USP31: variants seen among roughly 807,000 people sequenced by gnomAD.
The protein encoded by USP31 is ubiquitin specific peptidase 31.
USP31 carries 44 observed loss-of-function variants against 119.4 expected under a neutral mutation model. The ratio of observed to expected loss-of-function variants is 0.37; its 90% CI spans 0.29 to 0.47. USP31 has a LOEUF of 0.47. USP31 is among the 20% of genes least tolerant of loss of function. The pLI, the probability that USP31 is intolerant of heterozygous loss-of-function variation, is 0.99. For synonymous variants in USP31, 749 were observed against 705.6 expected (o/e 1.06, Z -0.97); for missense variants, 1,643 against 1,730.2 (o/e 0.95, Z 0.89).
chr16:23,111,163 T>TA (rs1031850990), intron 1 of USP31, among the ~76,000 whole-genome samples: 4 of 151,506 alleles, frequency 2.6e-5, no homozygotes, highest in African/African-American at 7.3e-5. Flanking sequence ...TAAATAAAAA[T>TA]AAAAAAGACA....
At chr16:23,080,636 G>A (rs1900779426) in intron 12 of USP31, among the ~76,000 whole-genome samples, 3 of 152,152 alleles carry the variant, frequency 2.0e-5, no homozygotes, top group African/African-American at 7.2e-5. Flanking sequence ...AGGCAACACT[G>A]TCTTAGCTTA....
chr16:23,068,619 G>T lies in USP31; in HGVS notation c.3486C>A (p.Ser1162Arg), dbSNP rs1181048375. 2 of 1,614,112 alleles carry T rather than the reference G, an allele frequency of 1.2e-6. No homozygotes were observed. Among genetic ancestry groups the T allele is most frequent in the Non-Finnish European group, 1.7e-6 (2 of 1,180,052 alleles). Reference protein sequence around the residue: ...HSLSREGSRQSLGSDRASATS... With the variant: ...HSLSREGSRQRLGSDRASATS... ...TGGCGCTGGCTCTGTCAGAACCCAA[G>T]CTTTGTCTGGAGCCCTCTCTACTCA... The change falls in exon 16 of 16, where the codon AGC becomes AGA. Residue 1162 changes from serine to arginine, a missense_variant. By Grantham distance (110) the Ser-to-Arg change is moderately radical. Coordinates refer to ENST00000219689, the MANE Select transcript of USP31 (RefSeq NM_020718.4).
intron 6 of USP31, among the ~76,000 whole-genome samples, chr16:23,099,995 A>G (rs1901779001): frequency 6.6e-6 from 1 of 152,212 alleles, no homozygotes; most frequent in African/African-American, 2.4e-5. Context: ...CATACCCACT[A>G]CAATAGCTAA....
chr16:23,098,347 T>C (rs2141862906), intron 6 of USP31, among the ~76,000 whole-genome samples: 1 of 152,244 alleles, frequency 6.6e-6, no homozygotes, highest in East Asian at 1.9e-4. Context: ...TGGAAGAACA[T>C]TCCATGCTCA....
chr16:23,129,820 TTAATG>T (rs1950489873), intron 1 of USP31, among the ~76,000 whole-genome samples: 1 of 152,126 alleles, frequency 6.6e-6, no homozygotes, highest in South Asian at 2.1e-4. Flanking sequence ...TAGGGGAACT[TTAATG>T]TAAGAGTAAT....
Position 23,082,495 on chromosome 16 carries a change from C to A in USP31, c.1893G>T (p.Thr631=), listed in dbSNP as rs35188058. Reference sequence around the variant, plus strand: ...CATCAGGCAGAGTCCAGAGGCTTAACGTAATGCTTCCCTGCTGCAGCTGCT... The same window carrying A: ...CATCAGGCAGAGTCCAGAGGCTTAAAGTAATGCTTCCCTGCTGCAGCTGCT... The part of the protein sequence containing the change: ...HCKQLQQGSI[T]LSLWTLPDVL... The change falls in exon 12 of 16, where the codon ACG becomes ACT. Residue 631 remains threonine (T), a synonymous_variant. Coordinates refer to ENST00000219689, the MANE Select transcript of USP31 (RefSeq NM_020718.4). 1.2e-6 allele frequency: 2 copies of A among 1,614,196 alleles called. No homozygotes were observed.
intron 1 of USP31, among the ~76,000 whole-genome samples, chr16:23,130,882 A>G (rs1903009567): frequency 6.6e-6 from 1 of 152,192 alleles, no homozygotes; most frequent in African/African-American, 2.4e-5. Context: ...CATAGGTGCT[A>G]TGGGGTAGTT....
chr16:23,133,036 T>C (rs2106246), intron 1 of USP31, among the ~76,000 whole-genome samples: 48,414 of 152,056 alleles, frequency 0.32, 7,985 homozygotes, highest in African/African-American at 0.38. Flanking sequence ...CAATCCACTA[T>C]GAAGCATGTG....
intron 1 of USP31, among the ~76,000 whole-genome samples, chr16:23,123,155 G>A (rs571344760): frequency 6.6e-5 from 10 of 152,140 alleles, no homozygotes; most frequent in African/African-American, 2.2e-4. Context: ...TCTTGATCTG[G>A]GTGACAAATT....
rs753680405 is a variant in USP31, at chr16:23,087,605, G to A, written c.1527+119C>T. 7.9e-6 allele frequency: 7 copies of A among 887,082 alleles called. 1 individual carries two copies. In the South Asian group the frequency reaches 8.9e-5, roughly 11 times the overall value. The allele number at this position is 887,082 out of a possible 1,614,324, so 55.0% of individuals were successfully genotyped here. A position where few individuals can be genotyped will look rare whatever the true frequency, so the allele number is the denominator to read the frequency against. The stretch of plus-strand genomic sequence containing the variant: ...GCAGTGGCTAGCTCTTTCATAAAAT[G>A]AGGGATAAATTCTCAGTCCTGGAAA... On this transcript the variant is annotated intron_variant, in intron 8 of 15. Transcript: ENST00000219689.
intron 11 of USP31, among the ~76,000 whole-genome samples, chr16:23,084,494 T>C (rs1901004206): frequency 6.6e-6 from 1 of 152,150 alleles, no homozygotes. Flanking sequence ...TAAATTTAAA[T>C]AGGTCCTGGC....
rs371444273 is a variant in USP31 at position 23,126,802 on chromosome 16, C to T, written c.634-18619G>A. ...CATGTGATAAGCACTCATACGTTAGCGACACGAAGAAAAGCAAGAGGAGAA... is the reference window on the plus strand; with the variant it reads ...CATGTGATAAGCACTCATACGTTAGTGACACGAAGAAAAGCAAGAGGAGAA... On this transcript the variant is annotated intron_variant, in intron 1 of 15. Transcript: ENST00000219689. Among the ~76,000 whole-genome samples the T allele has an allele frequency of 2.0e-4, 30 of 152,096 alleles. 1 individual carries two copies. The East Asian group carries it at 3.9e-3, about 20-fold the overall frequency.
intron 15 of USP31, among the ~76,000 whole-genome samples, chr16:23,070,046 T>C (rs1333866693): frequency 2.0e-5 from 3 of 152,228 alleles, no homozygotes; most frequent in Non-Finnish European, 4.4e-5. Context: ...TGGGCTGTAT[T>C]TGGCCTATGG....
chr16:23,094,790 A>T (rs533949426), intron 6 of USP31, among the ~76,000 whole-genome samples: 2 of 152,318 alleles, frequency 1.3e-5, no homozygotes, highest in East Asian at 3.9e-4. Context: ...AAACTAACAA[A>T]AAGAAAGGAA....
intron 9 of USP31, among the ~76,000 whole-genome samples, chr16:23,086,058 C>T (rs886962408): frequency 5.3e-5 from 8 of 152,186 alleles, no homozygotes; most frequent in Non-Finnish European, 1.5e-5. Context: ...CTTTCCACCT[C>T]TCCACCAACA....
chr16:23,144,908 C>T (rs1206315155), intron 1 of USP31, among the ~76,000 whole-genome samples: 3 of 152,180 alleles, frequency 2.0e-5, no homozygotes, highest in Admixed American at 6.5e-5. Context: ...GGAAAAGAAT[C>T]TAATTATATC....
intron 1 of USP31, among the ~76,000 whole-genome samples, chr16:23,120,515 G>A (rs1324596753): frequency 1.3e-5 from 2 of 152,238 alleles, no homozygotes; most frequent in Non-Finnish European, 2.9e-5. Flanking sequence ...ACTGGGGAAA[G>A]AGACAGCAGC....
At chr16:23,114,331 G>C (rs1336082294) in intron 1 of USP31, among the ~76,000 whole-genome samples, 1 of 151,986 alleles carries the variant, frequency 6.6e-6, no homozygotes, top group African/African-American at 2.4e-5. Flanking sequence ...AGAGCTCTTA[G>C]GTGTAACAGG....
At chr16:23,088,351 G>A (rs750677304) in intron 7 of USP31, among the ~76,000 whole-genome samples, 6 of 152,158 alleles carry the variant, frequency 3.9e-5, no homozygotes, top group Non-Finnish European at 7.4e-5. Flanking sequence ...TGCACAGACC[G>A]AAGACCAAAA....
Sources: gnomAD v4.1 joint callset for allele counts (sites outside exome capture counted in the v4.1 genomes callset) on GRCh38, gnomAD v4.1.1 for gene constraint, MANE v1.5 for transcripts, NCBI Gene and HGNC (gene_info 2026-07-23, HGNC 2026-07-21) for gene names.